The following KCNJ3 variants were observed in gnomAD, a reference collection of about 807,000 sequenced individuals.
KCNJ3 encodes the protein potassium inwardly rectifying channel subfamily J member 3.
In KCNJ3, 4 loss-of-function variants were observed where a neutral mutation model predicts 39.2. The ratio of observed to expected loss-of-function variants is 0.10; its 90% CI spans 0.05 to 0.23. KCNJ3 has a LOEUF of 0.23. Among genes scored for constraint, KCNJ3 ranks in the 10% least tolerant of loss-of-function variants. KCNJ3 has a pLI of 1.00. For synonymous variants in KCNJ3, 230 were observed against 237.4 expected, an observed-to-expected ratio of 0.97 and a Z score of 0.29; for missense variants, 276 against 634.9, an observed-to-expected ratio of 0.43 and a Z score of 6.08.
intron 2 of KCNJ3, among the ~76,000 whole-genome samples, chr2:154,749,262 C>T (rs758607417): frequency 2.6e-5 from 4 of 151,868 alleles, no homozygotes; most frequent in South Asian, 2.1e-4. Flanking sequence ...CAAGAGACCC[C>T]CCTCAAAATT....
chr2:154,732,294 T>A (rs370176116), intron 2 of KCNJ3, among the ~76,000 whole-genome samples: 1 of 152,140 alleles, frequency 6.6e-6, no homozygotes, highest in South Asian at 2.1e-4. Context: ...TATGGGAATT[T>A]GTCACTGTTT....
chr2:154,748,832 G>T (rs1400953026), intron 2 of KCNJ3, among the ~76,000 whole-genome samples: 2 of 152,076 alleles, frequency 1.3e-5, no homozygotes, highest in African/African-American at 4.8e-5. Flanking sequence ...AATCTTTGGA[G>T]ATCAGACATT....
intron 2 of KCNJ3, among the ~76,000 whole-genome samples, chr2:154,791,154 G>C (rs2591158): frequency 2.6e-5 from 4 of 151,696 alleles, no homozygotes; most frequent in Admixed American, 6.6e-5. Flanking sequence ...AGGGAAGTGT[G>C]GAAATTTTAT....
chr2:154,837,744 C>G (rs1050422745), intron 2 of KCNJ3, among the ~76,000 whole-genome samples: 1 of 152,136 alleles, frequency 6.6e-6, no homozygotes, highest in African/African-American at 2.4e-5. Context: ...GTGTCTGTAA[C>G]TGCAGTGAAT....
chr2:154,847,993 AG>A (rs1687689313), intron 2 of KCNJ3, among the ~76,000 whole-genome samples: 1 of 152,204 alleles, frequency 6.6e-6, no homozygotes, highest in Non-Finnish European at 1.5e-5. Flanking sequence ...AGATCCTTAT[AG>A]TGATACCAAA....
At chr2:154,807,379 T>C (rs527521576) in intron 2 of KCNJ3, among the ~76,000 whole-genome samples, 1 of 152,154 alleles carries the variant, frequency 6.6e-6, no homozygotes, top group African/African-American at 2.4e-5. Context: ...TTAATTACAA[T>C]AGTCGTTCAC....
intron 2 of KCNJ3, among the ~76,000 whole-genome samples, chr2:154,823,916 T>A (rs1241760696): frequency 6.6e-6 from 1 of 152,178 alleles, no homozygotes; most frequent in African/African-American, 2.4e-5. Context: ...CATATAATTG[T>A]TGAATAAATA....
At chr2:154,785,467 G>A (rs1222330207) in intron 2 of KCNJ3, among the ~76,000 whole-genome samples, 2 of 152,144 alleles carry the variant, frequency 1.3e-5, no homozygotes, top group African/African-American at 2.4e-5. Context: ...GTATGAAGAG[G>A]TGGGGCCTTT....
At chr2:154,723,433 G>T (rs1364669710) in intron 2 of KCNJ3, among the ~76,000 whole-genome samples, 1 of 152,172 alleles carries the variant, frequency 6.6e-6, no homozygotes, top group African/African-American at 2.4e-5. Flanking sequence ...GTTGTGGATA[G>T]CTGAGAGAGC....
At chr2:154,754,874 GT>G (rs1238248637) in intron 2 of KCNJ3, among the ~76,000 whole-genome samples, 30 of 152,198 alleles carry the variant, frequency 2.0e-4, no homozygotes, top group African/African-American at 7.2e-4. Flanking sequence ...TGTGGTTGGA[GT>G]TTTAAAGTAG....
At position 154,725,234 on chromosome 2, in the gene KCNJ3, G is replaced by GTT. The variant is rs35296161; in HGVS notation, c.919+15426_919+15427dup. Reference sequence around the variant, plus strand: ...GTCAAACAATAGATGGTTATGTTCTGTTTTTTTTTTTTCTCCAAACTTCTC... The same window carrying GTT: ...GTCAAACAATAGATGGTTATGTTCTGTTTTTTTTTTTTTTCTCCAAACTTCTC... On this transcript the variant is annotated intron_variant, in intron 2 of 2. Transcript: ENST00000295101. 3.8e-3 allele frequency among the ~76,000 whole-genome samples: 540 copies of GTT among 141,604 alleles called. 1 individual carries two copies. The highest frequency in any genetic ancestry group is 9.9e-3 in the African/African-American group (381 of 38,572). 92.9% of individuals were successfully genotyped at this position (141,604 alleles called of 152,430 possible). A position where few individuals can be genotyped will look rare whatever the true frequency, so the allele number is the denominator to read the frequency against.
intron 2 of KCNJ3, among the ~76,000 whole-genome samples, chr2:154,744,841 T>A (rs548511953): frequency 6.6e-6 from 1 of 152,040 alleles, no homozygotes; most frequent in South Asian, 2.1e-4. Flanking sequence ...TTTCTTTCCA[T>A]CTGCTTGCTT....
chr2:154,741,824 A>C (rs1558861738), intron 2 of KCNJ3, among the ~76,000 whole-genome samples: 2 of 151,954 alleles, frequency 1.3e-5, no homozygotes, highest in African/African-American at 4.8e-5. Context: ...GATGTAGCTA[A>C]GACATTTTGA....
chr2:154,718,592 C>A (rs955364724), intron 2 of KCNJ3, among the ~76,000 whole-genome samples: 16 of 152,266 alleles, frequency 1.1e-4, no homozygotes, highest in African/African-American at 3.6e-4. Context: ...GAGAAGTTTA[C>A]TCTATTGATA....
chr2:154,774,658 C>T (rs1199505332), intron 2 of KCNJ3, among the ~76,000 whole-genome samples: 1 of 152,016 alleles, frequency 6.6e-6, no homozygotes, highest in Non-Finnish European at 1.5e-5. Context: ...TGGGAACACT[C>T]TATTCTGTAA....
intron 2 of KCNJ3, among the ~76,000 whole-genome samples, chr2:154,814,941 T>C (rs1019289259): frequency 6.6e-6 from 1 of 152,172 alleles, no homozygotes; most frequent in African/African-American, 2.4e-5. Flanking sequence ...CAGTTAATAC[T>C]TTTAGAGCCA....
intron 2 of KCNJ3, among the ~76,000 whole-genome samples, chr2:154,736,321 C>A (rs1262398693): frequency 2.2e-5 from 3 of 134,176 alleles, no homozygotes; most frequent in Non-Finnish European, 4.7e-5. Flanking sequence ...TGCCCTTTTG[C>A]CATTGCATCT....
intron 2 of KCNJ3, among the ~76,000 whole-genome samples, chr2:154,815,449 A>T (rs1033599250): frequency 3.3e-5 from 5 of 152,192 alleles, no homozygotes; most frequent in Non-Finnish European, 4.4e-5. Flanking sequence ...ATTAGACATT[A>T]ATATTGATTG....
intron 2 of KCNJ3, among the ~76,000 whole-genome samples, chr2:154,845,273 C>T (rs1471751540): frequency 6.6e-6 from 1 of 152,038 alleles, no homozygotes; most frequent in East Asian, 1.9e-4. Flanking sequence ...CATGTGCCAC[C>T]ACGCCCAGCT....
Sources: gnomAD v4.1 joint callset for allele counts (sites outside exome capture counted in the v4.1 genomes callset) on GRCh38, gnomAD v4.1.1 for gene constraint, MANE v1.5 for transcripts, NCBI Gene and HGNC (gene_info 2026-07-23, HGNC 2026-07-21) for gene names.